RGS22: variants seen among roughly 807,000 people sequenced by gnomAD.
RGS22 encodes regulator of G protein signaling 22, also known as regulator of G-protein signaling 22.
RGS22 carries 148 observed loss-of-function variants against 172.9 expected under a neutral mutation model. That is an observed-to-expected ratio of 0.86 (90% CI 0.75 to 0.98). The LOEUF is 0.98. Ranked by LOEUF, RGS22 falls within the 50% of genes least tolerant of loss-of-function variation. The pLI is 0.00. For synonymous variants in RGS22, 458 were observed against 480.2 expected (o/e 0.95, Z 0.60); for missense variants, 1,347 against 1,440.8 (o/e 0.93, Z 1.05).
chr8:99,961,983 T>G lies in RGS22; in HGVS notation c.*45+411A>C, dbSNP rs1277238900. Among the ~76,000 whole-genome samples, 4 of 152,342 alleles carry G rather than the reference T, an allele frequency of 2.6e-5. No homozygotes were observed. In the East Asian group the frequency reaches 7.7e-4, roughly 29 times the overall value. On this transcript the variant is annotated intron_variant, in intron 27 of 27. Coordinates refer to ENST00000360863, the MANE Select transcript of RGS22 (RefSeq NM_015668.5). ...TACTAGACTACTTTGTAAGGCTTTGTTAAACTCTAACACTAGTATCCAATC... is the reference window on the plus strand; with the variant it reads ...TACTAGACTACTTTGTAAGGCTTTGGTAAACTCTAACACTAGTATCCAATC...
intron 11 of RGS22, among the ~76,000 whole-genome samples, chr8:100,043,366 T>G (rs750791836): frequency 4.6e-5 from 7 of 152,352 alleles, no homozygotes; most frequent in Non-Finnish European, 1.0e-4. Context: ...TTCTCATATA[T>G]CTTCAGCTTC....
At chr8:99,984,723 G>T (rs1053319637) in intron 21 of RGS22, among the ~76,000 whole-genome samples, 4 of 151,516 alleles carry the variant, frequency 2.6e-5, no homozygotes, top group Non-Finnish European at 5.9e-5. Context: ...CTCAGGATTT[G>T]GCCTGCCCCT....
Position 99,962,914 on chromosome 8 carries a change from T to C in RGS22, c.3680A>G (p.Gln1227Arg). ...LEQERILLKI[Q>R]EELEKKLFAG... ...AAACAACTTTTTTTCTAGTTCTTCT[T>C]GGATCTTAAGAAGAATTCTCTCCTG... Residue 1227 changes from glutamine to arginine, a missense_variant, in exon 25 of 28, where the codon CAA becomes CGA. Physicochemically the swap from Gln to Arg is conservative, Grantham distance 43. Coordinates refer to ENST00000360863, the MANE Select transcript of RGS22 (RefSeq NM_015668.5). 6.2e-7 allele frequency: 1 copy of C among 1,601,612 alleles called. No homozygotes were observed. The highest frequency in any genetic ancestry group is 8.5e-7 in the Non-Finnish European group (1 of 1,177,312).
chr8:100,044,670 C>T (rs1820525779), intron 11 of RGS22, among the ~76,000 whole-genome samples: 1 of 135,840 alleles, frequency 7.4e-6, no homozygotes, highest in African/African-American at 2.8e-5. Flanking sequence ...GTCTTCTCTT[C>T]AAGTTCCTTA....
chr8:100,041,894 T>A lies in RGS22; in HGVS notation c.1846A>T (p.Ser616Cys). 1 of 1,611,812 alleles carries A rather than the reference T, an allele frequency of 6.2e-7. No individual in the cohort carries two copies. Among genetic ancestry groups the A allele is most frequent in the South Asian group, 1.1e-5 (1 of 91,016 alleles). ...AAAGATGTTAAATGAATGACTTTGC[T>A]GCTTTCTGACATGTACTTTGACCTA... ...EKGSKYMSES[S>C]KVIHLTSFTD... The change falls in exon 12 of 28, where the codon AGC (serine) becomes TGC (cysteine). Residue 616 changes from serine to cysteine, a missense_variant. Physicochemically the swap from Ser to Cys is moderately radical, Grantham distance 112. Coordinates refer to ENST00000360863, the MANE Select transcript of RGS22 (RefSeq NM_015668.5).
At chr8:99,962,616 T>C in intron 26 of RGS22, 71 bp downstream of exon 26, 4 of 1,478,226 alleles carry the variant, frequency 2.7e-6, no homozygotes, top group Non-Finnish European at 3.7e-6. Context: ...ACATTCTGAA[T>C]GGCCAGGTGA....
intron 6 of RGS22, among the ~76,000 whole-genome samples, chr8:100,070,027 C>CAAAAAAAAA (rs777398611): frequency 1.0e-4 from 4 of 39,862 alleles, no homozygotes; most frequent in Non-Finnish European, 1.4e-4. Context: ...GACTCTGTCT[C>CAAAAAAAAA]AAAAAAAAAA....
intron 14 of RGS22, among the ~76,000 whole-genome samples, chr8:100,023,636 C>G (rs1357846117): frequency 6.6e-6 from 1 of 152,052 alleles, no homozygotes; most frequent in East Asian, 1.9e-4. Context: ...GGCCTCACCA[C>G]GTTGTTCATG....
intron 3 of RGS22, among the ~76,000 whole-genome samples, chr8:100,084,887 C>T (rs1355677970): frequency 2.0e-5 from 3 of 152,158 alleles, no homozygotes; most frequent in South Asian, 2.1e-4. Context: ...AACAAAATAC[C>T]GAAATAAATT....
At chr8:100,102,253 C>T (rs1197157061) in intron 2 of RGS22, among the ~76,000 whole-genome samples, 1 of 152,174 alleles carries the variant, frequency 6.6e-6, no homozygotes, top group Non-Finnish European at 1.5e-5. Context: ...AGAAGTAGGA[C>T]ACAACACTTC....
At chr8:100,022,532 A>G (rs1563628146) in intron 14 of RGS22, among the ~76,000 whole-genome samples, 1 of 152,202 alleles carries the variant, frequency 6.6e-6, no homozygotes, top group Non-Finnish European at 1.5e-5. Flanking sequence ...AAAATAAACA[A>G]GCACACAGAA....
intron 9 of RGS22, among the ~76,000 whole-genome samples, 193 bp downstream of exon 9, chr8:100,062,398 C>T (rs1156952908): frequency 6.6e-6 from 1 of 151,546 alleles, no homozygotes; most frequent in African/African-American, 2.4e-5. Flanking sequence ...AAATACTGTC[C>T]CACCTTATTA....
intron 18 of RGS22, among the ~76,000 whole-genome samples, chr8:100,001,369 T>C (rs2131328014): frequency 6.6e-6 from 1 of 151,672 alleles, no homozygotes; most frequent in South Asian, 2.1e-4. Flanking sequence ...CCCGAGTAGC[T>C]GGGATTACAG....
intron 23 of RGS22, among the ~76,000 whole-genome samples, chr8:99,969,566 G>T (rs1811108709): frequency 6.6e-6 from 1 of 151,664 alleles, no homozygotes; most frequent in Non-Finnish European, 1.5e-5. Flanking sequence ...CAAAAAAAAA[G>T]CAGGGGTTGC....
chr8:100,073,507 C>T (rs1449807966), intron 4 of RGS22, among the ~76,000 whole-genome samples: 1 of 151,960 alleles, frequency 6.6e-6, no homozygotes, highest in Admixed American at 6.6e-5. Flanking sequence ...TAGAAGAAAA[C>T]CATGGAAATA....
intron 20 of RGS22, among the ~76,000 whole-genome samples, chr8:99,993,731 T>C (rs1304690625): frequency 2.0e-5 from 3 of 152,070 alleles, no homozygotes; most frequent in South Asian, 4.1e-4. Flanking sequence ...TTCCAATCAA[T>C]AGAAAAAGAG....
At chr8:100,052,114 T>TAAAC (rs1563672780) in intron 10 of RGS22, among the ~76,000 whole-genome samples, 354 of 23,612 alleles carry the variant, frequency 0.015, 86 homozygotes, top group Non-Finnish European at 0.021. Context: ...TAAATGTTTA[T>TAAAC]ATATATTTAT....
intron 20 of RGS22, among the ~76,000 whole-genome samples, chr8:99,991,521 T>A (rs1197262061): frequency 6.6e-6 from 1 of 152,066 alleles, no homozygotes; most frequent in Admixed American, 6.6e-5. Context: ...TATCAGTGAT[T>A]AAAGATCAAA....
At chr8:100,021,781 GAA>G (rs201885862) in intron 14 of RGS22, among the ~76,000 whole-genome samples, 8 of 130,852 alleles carry the variant, frequency 6.1e-5, no homozygotes, top group Non-Finnish European at 8.3e-5. Context: ...AGCTAAGGGT[GAA>G]AAAAAAAAAA....
Sources: gnomAD v4.1 joint callset for allele counts (sites outside exome capture counted in the v4.1 genomes callset) on GRCh38, gnomAD v4.1.1 for gene constraint, MANE v1.5 for transcripts, NCBI Gene and HGNC (gene_info 2026-07-23, HGNC 2026-07-21) for gene names.